TNS3: variants seen among roughly 807,000 people sequenced by gnomAD.
The protein encoded by TNS3 is tensin 3.
Under a neutral mutation model 140.9 loss-of-function variants are expected in TNS3, and 45 were observed. The ratio of observed to expected loss-of-function variants is 0.32; its 90% CI spans 0.25 to 0.41. The LOEUF is 0.41. Among genes scored for constraint, TNS3 ranks in the 10% least tolerant of loss-of-function variants. The probability of loss-of-function intolerance (pLI) is 1.00; values close to 1 mark genes in which losing one functional copy is unlikely to be tolerated. For missense variants in TNS3, 1,716 were observed against 1,906.7 expected, an observed-to-expected ratio of 0.90 and a Z score of 1.86; for synonymous variants, 815 against 788.4, an observed-to-expected ratio of 1.03 and a Z score of -0.56.
chr7:47,517,149 G>A (rs529111600), intron 2 of TNS3, among the ~76,000 whole-genome samples: 4 of 152,282 alleles, frequency 2.6e-5, no homozygotes, highest in Non-Finnish European at 4.4e-5. Context: ...CCTTCACAGT[G>A]TCATGGGGTG....
At chr7:47,440,077 G>A (rs1799377) in intron 5 of TNS3, among the ~76,000 whole-genome samples, 40,656 of 151,994 alleles carry the variant, frequency 0.27, 6,359 homozygotes, top group Non-Finnish European at 0.34. Context: ...AGGTCGGCAC[G>A]AGGGGGCACC....
chr7:47,317,271 G>A (rs917930164), intron 20 of TNS3, among the ~76,000 whole-genome samples: 1 of 152,192 alleles, frequency 6.6e-6, no homozygotes, highest in African/African-American at 2.4e-5. Context: ...ACCCTTTTAT[G>A]ACATTCTCAT....
At chr7:47,506,982 A>G in intron 2 of TNS3, 38 bp from the exon 3 acceptor site, 1 of 1,278,590 alleles carries the variant, frequency 7.8e-7, no homozygotes, top group Non-Finnish European at 1.0e-6. Context: ...TGTGTCAAGC[A>G]GTCTCTCTAG....
At position 47,472,362 on chromosome 7, in the gene TNS3, G is replaced by C. The variant is rs953842388; in HGVS notation, c.-76+8741C>G. On this transcript the variant is annotated intron_variant, in intron 4 of 30. Coordinates refer to ENST00000311160, the MANE Select transcript of TNS3 (RefSeq NM_022748.12). Reference sequence around the variant, plus strand: ...GAGGCCCCACTGCATGTTCCAGGTCGAATGTTCTCATAGCACGTCGTTTCC... The same window carrying C: ...GAGGCCCCACTGCATGTTCCAGGTCCAATGTTCTCATAGCACGTCGTTTCC... 2.0e-5 allele frequency among the ~76,000 whole-genome samples: 3 copies of C among 152,204 alleles called. No homozygotes were observed. The East Asian group carries it at 5.8e-4, about 29-fold the overall frequency.
chr7:47,280,717 CA>C (rs1032273932), intron 28 of TNS3, among the ~76,000 whole-genome samples: 2 of 152,142 alleles, frequency 1.3e-5, no homozygotes. Flanking sequence ...AGTTCAAGAC[CA>C]GCCTGACCAA....
intron 18 of TNS3, 91 bp from the exon 19 acceptor site, chr7:47,345,129 C>G: frequency 3.0e-6 from 3 of 1,006,882 alleles, no homozygotes; most frequent in Non-Finnish European, 4.6e-6. Context: ...CCAGGCTGGC[C>G]CACTGAGCAA....
chr7:47,326,826 A>C (rs1788049181), intron 20 of TNS3, among the ~76,000 whole-genome samples: 2 of 152,222 alleles, frequency 1.3e-5, no homozygotes, highest in Admixed American at 1.3e-4. Context: ...AGAGCAATCC[A>C]TCAATCCTGG....
At chr7:47,283,560 A>T in intron 28 of TNS3, 137 bp downstream of exon 28, 1 of 745,574 alleles carries the variant, frequency 1.3e-6, no homozygotes, top group Non-Finnish European at 1.9e-6. Context: ...AAAAATACCT[A>T]GACAGACCCT....
At position 47,368,458 on chromosome 7, in the gene TNS3, A is replaced by C; in HGVS notation, c.2188T>G (p.Ser730Ala). The C allele has an allele frequency of 6.3e-7, 1 of 1,581,476 alleles. No homozygotes were observed. The highest frequency in any genetic ancestry group is 1.1e-5 in the South Asian group (1 of 87,622). Residue 730 changes from serine to alanine, a missense_variant, in exon 17 of 31, where the codon TCT (serine) becomes GCT (alanine). By Grantham distance (99) the Ser-to-Ala change is moderately conservative. Coordinates refer to ENST00000311160, the MANE Select transcript of TNS3 (RefSeq NM_022748.12). ...MNALGSQANG[S>A]VSPDSVGGGL... ...CCTCCCACGCTGTCTGGAGACACAG[A>C]GCCATTGGCCTGGCTACCGAGGGCG...
Position 47,369,602 on chromosome 7 carries a change from A to T in TNS3, c.1044T>A (p.Pro348=), listed in dbSNP as rs1286977332. ...CCTTCGCGTAAAGGCTGCCATCGACAGGGCCCTGCGTGTGTAGCACTGCGG... is the reference window on the plus strand; with the variant it reads ...CCTTCGCGTAAAGGCTGCCATCGACTGGGCCCTGCGTGTGTAGCACTGCGG... ...ADGEVLHTQG[P]VDGSLYAKVR... is the part of the protein sequence containing the mutation. Residue 348 remains proline (P), a synonymous_variant, in exon 17 of 31, where the codon CCT becomes CCA. Coordinates refer to ENST00000311160, the MANE Select transcript of TNS3 (RefSeq NM_022748.12). 34 of 1,591,418 alleles carry T rather than the reference A, an allele frequency of 2.1e-5. No individual in the cohort carries two copies. Among genetic ancestry groups the T allele is most frequent in the Non-Finnish European group, 2.9e-5 (34 of 1,168,290 alleles).
intron 4 of TNS3, among the ~76,000 whole-genome samples, chr7:47,479,353 TCTGGGGCCAC>T (rs1422245573): frequency 6.6e-6 from 1 of 152,164 alleles, no homozygotes; most frequent in Non-Finnish European, 1.5e-5. Context: ...GGCACACAGC[TCTGGGGCCAC>T]CTGGGCCTCA....
chr7:47,297,979 G>T (rs1408810888), intron 23 of TNS3, among the ~76,000 whole-genome samples: 2 of 151,772 alleles, frequency 1.3e-5, no homozygotes, highest in Non-Finnish European at 2.9e-5. Flanking sequence ...GTAGAGATGG[G>T]GTTTCACCAT....
Position 47,407,160 on chromosome 7 carries a change from G to C in TNS3, c.723+4567C>G, listed in dbSNP as rs1276949173. On this transcript the variant is annotated intron_variant, in intron 13 of 30. Coordinates refer to ENST00000311160, the MANE Select transcript of TNS3 (RefSeq NM_022748.12). This position sits in a 1 kb window ranked among gnomAD's most constrained non-coding sequence, Gnocchi z 4.1. ...GAGTCAACAGCACTGAGATTTCTGGGCTTTGGCAAAAGATGCACTCCCGAC... is the reference window on the plus strand; with the variant it reads ...GAGTCAACAGCACTGAGATTTCTGGCCTTTGGCAAAAGATGCACTCCCGAC... 6.6e-6 allele frequency among the ~76,000 whole-genome samples: 1 copy of C among 152,118 alleles called. No individual in the cohort carries two copies. The highest frequency in any genetic ancestry group is 1.5e-5 in the Non-Finnish European group (1 of 68,026).
chr7:47,387,470 G>C (rs938594215), intron 16 of TNS3, among the ~76,000 whole-genome samples: 8 of 152,230 alleles, frequency 5.3e-5, no homozygotes, highest in African/African-American at 1.9e-4. Flanking sequence ...TGGTCTCCTA[G>C]CCCAGATGGC....
At chr7:47,569,123 G>A (rs76797484) in intron 1 of TNS3, among the ~76,000 whole-genome samples, 12,522 of 152,272 alleles carry the variant, frequency 0.082, 1,692 homozygotes, top group African/African-American at 0.28. Flanking sequence ...CTCAGTCCCC[G>A]ATGCAGTATT....
chr7:47,344,694 G>A (rs1789217556), intron 20 of TNS3, 61 bp downstream of exon 20: 1 of 1,481,606 alleles, frequency 6.7e-7, no homozygotes, highest in African/African-American at 1.4e-5. Context: ...TGTAAAAATG[G>A]CGACCCCGCG....
chr7:47,562,885 C>G (rs906841247), intron 1 of TNS3, among the ~76,000 whole-genome samples: 4 of 152,224 alleles, frequency 2.6e-5, no homozygotes, highest in Admixed American at 2.6e-4. Flanking sequence ...GTAAGAACAG[C>G]ATGGATAAAT....
At chr7:47,393,580 G>T (rs897552054) in intron 16 of TNS3, among the ~76,000 whole-genome samples, 2 of 152,084 alleles carry the variant, frequency 1.3e-5, no homozygotes, top group South Asian at 2.1e-4. Flanking sequence ...CCTCCCTGGG[G>T]GTGCTCATGG....
intron 20 of TNS3, among the ~76,000 whole-genome samples, chr7:47,313,740 G>A (rs938723465): frequency 6.6e-6 from 1 of 152,144 alleles, no homozygotes; most frequent in Non-Finnish European, 1.5e-5. Flanking sequence ...CTCCCATGGC[G>A]CCTGGGAATT....
Sources: allele counts gnomAD v4.1 joint callset (sites outside exome capture counted in the v4.1 genomes callset), GRCh38; gene constraint gnomAD v4.1.1; non-coding constraint Gnocchi (gnomAD v3.1); transcripts MANE v1.5; gene names NCBI Gene and HGNC (gene_info 2026-07-23, HGNC 2026-07-21).